The following OTUD5 variants were observed in gnomAD, a reference collection of about 807,000 sequenced individuals.
The protein encoded by OTUD5 is OTU deubiquitinase 5, also known as OTU domain-containing protein 5.
Under a neutral mutation model 36.3 loss-of-function variants are expected in OTUD5, and 2 were observed. The ratio of observed to expected loss-of-function variants is 0.06; its 90% CI spans 0.02 to 0.17. The LOEUF (loss-of-function observed/expected upper bound fraction) is 0.17. Among genes scored for constraint, OTUD5 ranks in the 10% least tolerant of loss-of-function variants. OTUD5 has a pLI of 1.00. For missense variants in OTUD5, 233 were observed against 512.3 expected, an observed-to-expected ratio of 0.45 and a Z score of 5.26; for synonymous variants, 234 against 214.9, an observed-to-expected ratio of 1.09 and a Z score of -0.78.
chrX:48,930,965 A>G (rs2063743853), intron 5 of OTUD5, among the ~76,000 whole-genome samples: 1 of 110,191 alleles, frequency 9.1e-6, no homozygotes, highest in Non-Finnish European at 1.9e-5. Flanking sequence ...TCCCTCTCAA[A>G]AAAAAAAAAA....
At chrX:48,926,846 T>C (rs2063674432) in intron 5 of OTUD5, among the ~76,000 whole-genome samples, 1 of 111,001 alleles carries the variant, frequency 9.0e-6, no homozygotes, top group South Asian at 3.7e-4. Context: ...ATCAACATGG[T>C]GTGGGGTGCT....
chrX:48,948,933 C>G (rs1185723486), intron 1 of OTUD5, among the ~76,000 whole-genome samples: 2 of 111,814 alleles, frequency 1.8e-5, no homozygotes, highest in African/African-American at 6.5e-5. Flanking sequence ...ACCTAGTGGT[C>G]TAAGGGCCCA....
intron 5 of OTUD5, among the ~76,000 whole-genome samples, chrX:48,931,516 C>T (rs782631070): frequency 8.9e-6 from 1 of 112,442 alleles, no homozygotes; most frequent in South Asian, 3.6e-4. Flanking sequence ...TGGTGGCTCA[C>T]GCCTGTAATC....
At chrX:48,926,247 G>A (rs1421086375) in intron 5 of OTUD5, among the ~76,000 whole-genome samples, 197 bp from the exon 6 acceptor site, 1 of 111,282 alleles carries the variant, frequency 9.0e-6, no homozygotes, top group African/African-American at 3.3e-5. Flanking sequence ...TGTGGGACCT[G>A]TCATTCCAAA....
chrX:48,957,740 C>CGGT, upstream of OTUD5: 1 of 778,072 alleles, frequency 1.3e-6, no homozygotes, highest in Non-Finnish European at 1.5e-6. Flanking sequence ...GCGGCGGCGG[C>CGGT]GGCGGCGGCG....
intron 6 of OTUD5, 34 bp downstream of exon 6, chrX:48,925,813 T>C (rs1557047607): frequency 8.7e-7 from 1 of 1,146,976 alleles, no homozygotes; most frequent in East Asian, 3.0e-5. Flanking sequence ...GTAATGAGTT[T>C]TTGGCCAAGC....
intron 6 of OTUD5, among the ~76,000 whole-genome samples, chrX:48,925,563 C>T (rs2063653605): frequency 8.9e-6 from 1 of 111,901 alleles, no homozygotes; most frequent in South Asian, 3.7e-4. Context: ...ACCTGGCACA[C>T]AAGGGCAGTC....
chrX:48,957,728 AGGCGGCGGCGGC>A (rs1156647335), upstream of OTUD5: 10 of 663,554 alleles, frequency 1.5e-5, no homozygotes, highest in African/African-American at 2.4e-4. Flanking sequence ...GCGGCGGAGG[AGGCGGCGGCGGC>A]GGCGGCGGCG....
chrX:48,934,826 G>A lies in OTUD5; in HGVS notation c.795C>T (p.Asp265=), dbSNP rs782366229. 5.0e-5 allele frequency: 60 copies of A among 1,209,352 alleles called. No individual in the cohort carries two copies. In the African/African-American group the frequency reaches 6.1e-4, roughly 12 times the overall value. Residue 265 remains aspartate (D), a synonymous_variant, in exon 4 of 9, where the codon GAC becomes GAT. Transcript: ENST00000376488. ...GCTTCCTGTTAATGTAGGTGGTAAA[G>A]TCCTCTGTGACATAGTTGGAGAAGT... ...ADYFSNYVTE[D]FTTYINRKRK... is the part of the protein sequence containing the mutation.
intron 6 of OTUD5, 149 bp downstream of exon 6, chrX:48,925,698 A>G: frequency 2.1e-6 from 1 of 484,743 alleles, no homozygotes; most frequent in Non-Finnish European, 3.5e-6. Flanking sequence ...ACAATGCCAA[A>G]ACTAAGACCA....
At chrX:48,950,440 A>G (rs2064116446) in intron 1 of OTUD5, among the ~76,000 whole-genome samples, 1 of 110,685 alleles carries the variant, frequency 9.0e-6, no homozygotes. Flanking sequence ...GAGCTTCCAG[A>G]AGGAGTGTGG....
chrX:48,943,646 T>C (rs1430616124), intron 2 of OTUD5, among the ~76,000 whole-genome samples: 1 of 111,545 alleles, frequency 9.0e-6, no homozygotes, highest in Non-Finnish European at 1.9e-5. Context: ...TCTAGTCTGA[T>C]AGCCCCCATA....
At chrX:48,939,483 C>A (rs1557050598) in intron 2 of OTUD5, among the ~76,000 whole-genome samples, 1 of 111,826 alleles carries the variant, frequency 8.9e-6, no homozygotes, top group African/African-American at 3.3e-5. Context: ...TGTGTATACA[C>A]ATACAGCAGA....
At chrX:48,950,090 G>A (rs1557053412) in intron 1 of OTUD5, among the ~76,000 whole-genome samples, 1 of 104,275 alleles carries the variant, frequency 9.6e-6, no homozygotes, top group Non-Finnish European at 2.0e-5. Flanking sequence ...CGGAGGTTGC[G>A]GTGAGCCGAG....
At chrX:48,957,758 C>T, upstream of OTUD5, 3 of 790,999 alleles carry the variant, frequency 3.8e-6, no homozygotes, top group Non-Finnish European at 3.0e-6. Context: ...GCGGTGGCGG[C>T]GCGCGGGTCA....
intron 2 of OTUD5, among the ~76,000 whole-genome samples, chrX:48,943,206 C>T (rs782146700): frequency 6.3e-5 from 7 of 111,729 alleles, no homozygotes; most frequent in African/African-American, 2.3e-4. Flanking sequence ...CAGGGAGGAT[C>T]AGGTCACATT....
intron 5 of OTUD5, among the ~76,000 whole-genome samples, chrX:48,931,353 A>G (rs2063748205): frequency 8.9e-6 from 1 of 112,709 alleles, no homozygotes; most frequent in African/African-American, 3.2e-5. Flanking sequence ...TAAACATGAG[A>G]AAAAGTCCAA....
chrX:48,926,083 T>C (rs782595646), intron 5 of OTUD5, 33 bp from the exon 6 acceptor site: 2 of 1,116,363 alleles, frequency 1.8e-6, no homozygotes, highest in Non-Finnish European at 2.5e-6. Context: ...GGATGTGCAA[T>C]AACACACTGA....
In OTUD5 at chrX:48,922,891, G is replaced by A. The variant is rs782081867; in HGVS notation, c.*283C>T. 34 of 934,507 alleles carry A rather than the reference G, an allele frequency of 3.6e-5. No individual in the cohort carries two copies. The highest frequency in any genetic ancestry group is 1.4e-4 in the African/African-American group (7 of 48,991). 77.0% of individuals were successfully genotyped at this position (934,507 alleles called of 1,213,427 possible). ...CTCTGTGTGCCTCTTGTCTATCTTC[G>A]GCACCCTTGCCCGAGTCCCCTGTGG... is the stretch of plus-strand genomic sequence containing the variant. On this transcript the variant is annotated 3_prime_UTR_variant, in exon 9 of 9. Coordinates refer to ENST00000376488, the MANE Select transcript of OTUD5 (RefSeq NM_001136157.2).
Sources: gnomAD v4.1 joint callset for allele counts (sites outside exome capture counted in the v4.1 genomes callset) on GRCh38, gnomAD v4.1.1 for gene constraint, MANE v1.5 for transcripts, NCBI Gene and HGNC (gene_info 2026-07-23, HGNC 2026-07-21) for gene names.